PTPRD: variants seen among roughly 807,000 people sequenced by gnomAD.
The protein encoded by PTPRD is receptor-type tyrosine-protein phosphatase delta.
In PTPRD, 34 loss-of-function variants were observed where a neutral mutation model predicts 214.5. The ratio of observed to expected loss-of-function variants is 0.16; its 90% CI spans 0.12 to 0.21. PTPRD has a LOEUF of 0.21. PTPRD is among the 10% of genes least tolerant of loss of function. The pLI is 1.00. For synonymous variants in PTPRD, 1,128 were observed against 845.7 expected, an observed-to-expected ratio of 1.33 and a Z score of -5.79; for missense variants, 2,545 against 2,398.7, an observed-to-expected ratio of 1.06 and a Z score of -1.27.
intron 12 of PTPRD, among the ~76,000 whole-genome samples, chr9:8,669,059 T>C (rs2097224595): frequency 6.6e-6 from 1 of 152,018 alleles, no homozygotes; most frequent in Non-Finnish European, 1.5e-5. Flanking sequence ...CAATTCTCTC[T>C]CCTCTCTATG....
rs964633745 is a variant in PTPRD at position 9,715,249 on chromosome 9, C to T, written c.-287+19284G>A. Among the ~76,000 whole-genome samples, 10 of 152,088 alleles carry T rather than the reference C, an allele frequency of 6.6e-5. No individual in the cohort carries two copies. In the South Asian group the frequency reaches 8.3e-4, roughly 13 times the overall value. ...ATGACTTTCTGTTCCTACTATATTGCGGGCAATTTGAAGGAAGACAATACA... is the reference window on the plus strand; with the variant it reads ...ATGACTTTCTGTTCCTACTATATTGTGGGCAATTTGAAGGAAGACAATACA... On this transcript the variant is annotated intron_variant, in intron 7 of 45. Coordinates refer to ENST00000381196, the MANE Select transcript of PTPRD (RefSeq NM_002839.4).
intron 9 of PTPRD, among the ~76,000 whole-genome samples, chr9:9,367,848 T>G (rs1297884463): frequency 6.6e-6 from 1 of 151,752 alleles, no homozygotes; most frequent in Non-Finnish European, 1.5e-5. Context: ...AGTCTTTTTA[T>G]GTATTCTGTT....
chr9:9,701,043 A>C (rs1222792666), intron 7 of PTPRD, among the ~76,000 whole-genome samples: 1 of 151,944 alleles, frequency 6.6e-6, no homozygotes, highest in Admixed American at 6.6e-5. Flanking sequence ...TGAGATTAAA[A>C]AAAAAAAAAA....
intron 8 of PTPRD, among the ~76,000 whole-genome samples, chr9:9,508,501 T>C (rs761679022): frequency 2.6e-4 from 39 of 151,754 alleles, no homozygotes; most frequent in Admixed American, 6.6e-5. Context: ...TCTCCATATA[T>C]TTCTCCCCAT....
chr9:10,598,041 C>G (rs2077014123), intron 2 of PTPRD, among the ~76,000 whole-genome samples: 1 of 151,750 alleles, frequency 6.6e-6, no homozygotes, highest in African/African-American at 2.4e-5. Context: ...ACCAGCAGGA[C>G]TCACTGGAAA....
At chr9:9,590,092 T>C (rs2092562351) in intron 7 of PTPRD, among the ~76,000 whole-genome samples, 1 of 152,014 alleles carries the variant, frequency 6.6e-6, no homozygotes. Context: ...ATAATGTCAA[T>C]AAAAATACAA....
chr9:10,057,830 A>G (rs1345263203), intron 3 of PTPRD, among the ~76,000 whole-genome samples: 2 of 147,964 alleles, frequency 1.4e-5, no homozygotes, highest in Non-Finnish European at 3.0e-5. Flanking sequence ...CAACAGAGTG[A>G]GACTCCGTCT....
At chr9:10,098,200 G>A (rs1243917444) in intron 3 of PTPRD, among the ~76,000 whole-genome samples, 1 of 151,668 alleles carries the variant, frequency 6.6e-6, no homozygotes, top group African/African-American at 2.4e-5. Flanking sequence ...GTAGGGACAT[G>A]GATGAAGCTG....
chr9:9,529,955 A>G (rs2075089920), intron 8 of PTPRD, among the ~76,000 whole-genome samples: 2 of 152,106 alleles, frequency 1.3e-5, no homozygotes, highest in South Asian at 4.1e-4. Flanking sequence ...ATAAAGTTTG[A>G]CAAATGAAAA....
chr9:10,575,021 CA>C (rs201951102), intron 2 of PTPRD, among the ~76,000 whole-genome samples: 2,263 of 151,776 alleles, frequency 0.015, 57 homozygotes, highest in African/African-American at 0.051. Context: ...AGGAAAGATA[CA>C]AAAACTACTT....
chr9:8,353,812 A>G (rs2076157864), intron 39 of PTPRD, among the ~76,000 whole-genome samples: 1 of 104,224 alleles, frequency 9.6e-6, no homozygotes, highest in Non-Finnish European at 2.1e-5. Context: ...TCCTTCTCAA[A>G]AAAAAATATA....
Position 8,332,802 on chromosome 9 carries a change from G to C in PTPRD, c.5380-1066C>G, listed in dbSNP as rs146936720. On this transcript the variant is annotated intron_variant, in intron 43 of 45. Transcript: ENST00000381196. ...CAGAGAGAAATAATCCAAGCTTAGA[G>C]AGACCGATCTCATTTCTCATTTGAA... Among the ~76,000 whole-genome samples the C allele has an allele frequency of 6.6e-3, 1,010 of 152,210 alleles. 14 individuals are homozygous for C. Among genetic ancestry groups the C allele is most frequent in the African/African-American group, 0.022 (917 of 41,550 alleles).
chr9:9,308,749 G>T (rs1229254553), intron 9 of PTPRD, among the ~76,000 whole-genome samples: 1 of 152,052 alleles, frequency 6.6e-6, no homozygotes, highest in East Asian at 1.9e-4. Context: ...TGGATATTTT[G>T]ATACAATTTA....
At chr9:10,212,179 A>C (rs1466266356) in intron 3 of PTPRD, among the ~76,000 whole-genome samples, 1 of 152,044 alleles carries the variant, frequency 6.6e-6, no homozygotes, top group Non-Finnish European at 1.5e-5. Context: ...ACTTAATATG[A>C]CCATAAGCCG....
intron 7 of PTPRD, among the ~76,000 whole-genome samples, chr9:9,619,416 T>G (rs2095098542): frequency 6.6e-6 from 1 of 151,016 alleles, no homozygotes; most frequent in South Asian, 2.1e-4. Flanking sequence ...CAACCTAAAT[T>G]ATGAAAAACA....
At chr9:9,857,530 C>T (rs779368674) in intron 5 of PTPRD, among the ~76,000 whole-genome samples, 9 of 152,108 alleles carry the variant, frequency 5.9e-5, no homozygotes, top group Non-Finnish European at 1.3e-4. Context: ...GCATTTCTAT[C>T]ACAGAAGCTC....
At chr9:9,214,771 T>C (rs2099951050) in intron 9 of PTPRD, among the ~76,000 whole-genome samples, 1 of 152,212 alleles carries the variant, frequency 6.6e-6, no homozygotes, top group East Asian at 1.9e-4. Flanking sequence ...ATTTACATAG[T>C]GCCTACTGTG....
At chr9:8,437,054 T>A (rs1370238353) in intron 34 of PTPRD, 1 of 646,728 alleles carries the variant, frequency 1.5e-6, no homozygotes, top group Non-Finnish European at 2.6e-6. Flanking sequence ...CTCCTTCTCC[T>A]GCACTGTGTG....
At chr9:9,438,099 T>C (rs1181899154) in intron 8 of PTPRD, among the ~76,000 whole-genome samples, 3 of 152,122 alleles carry the variant, frequency 2.0e-5, no homozygotes, top group East Asian at 3.9e-4. Context: ...AATGTCCTCT[T>C]CTCATAAGGC....
Sources: allele counts gnomAD v4.1 joint callset (sites outside exome capture counted in the v4.1 genomes callset), GRCh38; gene constraint gnomAD v4.1.1; transcripts MANE v1.5; gene names NCBI Gene and HGNC (gene_info 2026-07-23, HGNC 2026-07-21).